Variants in UBXN6 observed in about 807,000 individuals in gnomAD.
The protein encoded by UBXN6 is UBX domain-containing protein 6.
In UBXN6, 44 loss-of-function variants were observed where a neutral mutation model predicts 51.4. The observed-to-expected ratio is 0.86, with a 90% CI of 0.67 to 1.10. The LOEUF is 1.10. Ranked by LOEUF, UBXN6 falls within the 50% of genes least tolerant of loss-of-function variation. The probability of loss-of-function intolerance (pLI) is 0.00; values close to 1 mark genes in which losing one functional copy is unlikely to be tolerated. For missense variants in UBXN6, 672 were observed against 596.1 expected (o/e 1.13, Z -1.32); for synonymous variants, 316 against 263.2 (o/e 1.20, Z -1.94).
intron 1 of UBXN6, among the ~76,000 whole-genome samples, chr19:4,456,180 C>T (rs1265655949): frequency 3.9e-5 from 6 of 152,018 alleles, no homozygotes; most frequent in Non-Finnish European, 7.4e-5. Context: ...CGATACCCTG[C>T]ATCCTTCCTA....
In UBXN6 at chr19:4,447,582, G is replaced by C. The variant is rs771897085; in HGVS notation, c.583C>G (p.Arg195Gly). ...IHLHPEEEKY[R>G]KIKLQNKVFQ... ...ACCTTGTTCTGCAGCTTGATCTTCCGGTACTTCTCCTCCTCGGGGTGCAGG... is the reference window on the plus strand; with the variant it reads ...ACCTTGTTCTGCAGCTTGATCTTCCCGTACTTCTCCTCCTCGGGGTGCAGG... The change falls in exon 6 of 11, where the codon CGG becomes GGG. Residue 195 changes from arginine (R) to glycine (G), a missense_variant. Physicochemically the swap from Arg to Gly is moderately radical, Grantham distance 125. Transcript: ENST00000301281. 3 of 1,613,914 alleles carry C rather than the reference G, an allele frequency of 1.9e-6. No individual in the cohort carries two copies. The highest frequency in any genetic ancestry group is 1.3e-5 in the African/African-American group (1 of 75,050).
At position 4,447,612 on chromosome 19, in the gene UBXN6, T is replaced by C. The variant is rs766669347; in HGVS notation, c.553A>G (p.Ile185Val). The C allele has an allele frequency of 1.2e-6, 2 of 1,613,636 alleles. No homozygotes were observed. The highest frequency in any genetic ancestry group is 4.5e-5 in the East Asian group (2 of 44,842). The change falls in exon 6 of 11, where the codon ATC becomes GTC. Residue 185 changes from isoleucine to valine, a missense_variant. Coordinates refer to ENST00000301281, the MANE Select transcript of UBXN6 (RefSeq NM_025241.3). Reference sequence around the variant, plus strand: ...TTCTCCTCCTCGGGGTGCAGGTGGATGTTGTCCAGGTACCTGGGGTAGGTG... The same window carrying C: ...TTCTCCTCCTCGGGGTGCAGGTGGACGTTGTCCAGGTACCTGGGGTAGGTG... ...VDTIAKYLDNIHLHPEEEKYR... is the reference protein window; with the variant it reads ...VDTIAKYLDNVHLHPEEEKYR...
chr19:4,452,615 C>A (rs765447025), intron 3 of UBXN6, 123 bp from the exon 4 acceptor site: 34 of 1,347,822 alleles, frequency 2.5e-5, no homozygotes, highest in Non-Finnish European at 3.3e-5. Flanking sequence ...GCTGTCCCTT[C>A]CACCTGGTGG....
At chr19:4,452,266 A>C (rs1166505719) in intron 4 of UBXN6, 98 bp downstream of exon 4, 1 of 1,520,108 alleles carries the variant, frequency 6.6e-7, no homozygotes, top group Admixed American at 1.9e-5. Context: ...GCCTCTGGGG[A>C]CTCTGGGAGG....
chr19:4,455,926 C>T (rs143155703), intron 1 of UBXN6, among the ~76,000 whole-genome samples: 69 of 152,212 alleles, frequency 4.5e-4, no homozygotes, highest in African/African-American at 1.6e-3. Flanking sequence ...ATCGCCTGAG[C>T]GCTCATCCAA....
Position 4,446,424 on chromosome 19 carries a change from G to C in UBXN6, c.921-11C>G, listed in dbSNP as rs367564016. The C allele has an allele frequency of 1.4e-5, 22 of 1,577,004 alleles. No individual in the cohort carries two copies. The highest frequency in any genetic ancestry group is 1.9e-5 in the Non-Finnish European group (22 of 1,167,930). The stretch of plus-strand genomic sequence containing the variant: ...TCCACCGCCTCGGACCTGCACACGC[G>C]GGCCAGGTCACGAGGGCTGGCCGGG... On this transcript the variant is annotated splice_polypyrimidine_tract_variant and intron_variant, in intron 8 of 10. Coordinates refer to ENST00000301281, the MANE Select transcript of UBXN6 (RefSeq NM_025241.3).
chr19:4,447,101 G>T, intron 6 of UBXN6, 181 bp from the exon 7 acceptor site: 1 of 628,452 alleles, frequency 1.6e-6, no homozygotes. Flanking sequence ...TGGGGGCTGT[G>T]GAGTCTCCAA....
intron 10 of UBXN6, 66 bp from the exon 11 acceptor site, chr19:4,445,689 C>A: frequency 1.3e-6 from 2 of 1,576,158 alleles, no homozygotes; most frequent in South Asian, 1.1e-5. Context: ...GGGAACTCAG[C>A]GGGCAACCTG....
chr19:4,446,072 G>T lies in UBXN6; in HGVS notation c.1177C>A (p.Leu393Met). 1 of 1,612,594 alleles carries T rather than the reference G, an allele frequency of 6.2e-7. No individual in the cohort carries two copies. The change falls in exon 10 of 11, where the codon CTG becomes ATG. Residue 393 changes from leucine (L) to methionine (M), a missense_variant. Physicochemically the swap from Leu to Met is conservative, Grantham distance 15. Transcript: ENST00000301281. ...ACCAGCCCGCACTCGTTCAAGGCCA[G>T]GTTCTCGTCCTCGGACAGCTTCTGC... The part of the protein sequence containing the change: ...GGQKLSEDEN[L>M]ALNECGLVPS...
In UBXN6 at chr19:4,446,567, G is replaced by A; in HGVS notation, c.853C>T (p.Gln285Ter). 1 of 1,612,550 alleles carries A rather than the reference G, an allele frequency of 6.2e-7. No homozygotes were observed. Residue 285 changes from glutamine (Q) to a stop codon, truncating the protein, a stop_gained, in exon 8 of 11, where the codon CAG (glutamine) becomes TAG (stop). Transcript: ENST00000301281. LOFTEE classifies it high-confidence loss of function. ...RVFQPSPLAS[Q>*]FELPGDFFNL... ...AAGAAGTCCCCAGGCAGTTCGAACT[G>A]CGAGGCCAGGGGCGAGGGCTGGAAG...
rs201394926 is a variant in UBXN6, at chr19:4,446,621, G to A, written c.799C>T (p.Arg267Cys). The A allele has an allele frequency of 5.1e-5, 83 of 1,612,506 alleles. 1 individual carries two copies. The highest frequency in any genetic ancestry group is 3.3e-4 in the East Asian group (15 of 44,870). The change falls in exon 8 of 11, where the codon CGC becomes TGC. Residue 267 changes from arginine to cysteine, a missense_variant. Physicochemically the swap from Arg to Cys is radical, Grantham distance 180 (BLOSUM62 -3). Transcript: ENST00000301281. ...CGGCGCTGCCTGTCCAGCTTGGCGC[G>A]CACGGGCTCCGCAGCCAGCAGCTGT... ...KEQLLAAEPVRAKLDRQRRVF... is the reference protein window; with the variant it reads ...KEQLLAAEPVCAKLDRQRRVF...
chr19:4,453,821 AC>A (rs1599680740), intron 2 of UBXN6, 108 bp downstream of exon 2: 7 of 1,469,934 alleles, frequency 4.8e-6, no homozygotes, highest in Non-Finnish European at 6.4e-6. Context: ...CCCAAGGGTG[AC>A]CCTCACACCC....
At chr19:4,454,133 G>A (rs780367624) in intron 1 of UBXN6, 40 bp from the exon 2 acceptor site, 17 of 1,488,256 alleles carry the variant, frequency 1.1e-5, no homozygotes, top group Non-Finnish European at 1.5e-5. Context: ...ATCCTCCCGA[G>A]GTGGCCGGCA....
chr19:4,453,559 A>C (rs1479635728), intron 2 of UBXN6, 37 bp from the exon 3 acceptor site: 34 of 1,608,286 alleles, frequency 2.1e-5, no homozygotes, highest in Non-Finnish European at 2.8e-5. Context: ...CAGAGACGGG[A>C]TAGTGAGCAC....
At chr19:4,445,799 G>GCCTAAA in intron 10 of UBXN6, 176 bp from the exon 11 acceptor site, 1 of 1,152,674 alleles carries the variant, frequency 8.7e-7, no homozygotes, top group Non-Finnish European at 1.2e-6. Flanking sequence ...CAGGACCTAA[G>GCCTAAA]CCTAAACCTA....
rs1230563945 is a variant in UBXN6, at chr19:4,445,507, C to T, written c.1317G>A (p.Lys439=). 9 of 1,613,940 alleles carry T rather than the reference C, an allele frequency of 5.6e-6. No homozygotes were observed. The highest frequency in any genetic ancestry group is 5.9e-6 in the Non-Finnish European group (7 of 1,179,992). Residue 439 remains lysine, a synonymous_variant, in exon 11 of 11, where the codon AAG becomes AAA. Coordinates refer to ENST00000301281, the MANE Select transcript of UBXN6 (RefSeq NM_025241.3). The part of the protein sequence containing the change: ...LKPELLSAIE[K]LL ...CAACCCTGCTTTTATTTCACAAGAG[C>T]TTCTCGATGGCTGACAGGAGCTCGG... is the stretch of plus-strand genomic sequence containing the variant.
At position 4,445,306 on chromosome 19, in the gene UBXN6, C is replaced by T. The variant is rs1599670810; in HGVS notation, c.*192G>A. 1.1e-6 allele frequency: 1 copy of T among 935,234 alleles called. No homozygotes were observed. Among genetic ancestry groups the T allele is most frequent in the Non-Finnish European group, 1.6e-6 (1 of 627,808 alleles). 57.9% of individuals were successfully genotyped at this position (935,234 alleles called of 1,614,324 possible). A position where few individuals can be genotyped will look rare whatever the true frequency, so the allele number is the denominator to read the frequency against. ...TCTCCCTCGGGGGCTTGGGCGCATC[C>T]CCACAGCCCCCAAGGGATGGGGGCT... is the stretch of plus-strand genomic sequence containing the variant. On this transcript the variant is annotated 3_prime_UTR_variant, in exon 11 of 11. Coordinates refer to ENST00000301281, the MANE Select transcript of UBXN6 (RefSeq NM_025241.3).
rs1410891292 is a variant in UBXN6, at chr19:4,457,729, G to A, written c.-32C>T. On this transcript the variant is annotated 5_prime_UTR_variant, in exon 1 of 11. Coordinates refer to ENST00000301281, the MANE Select transcript of UBXN6 (RefSeq NM_025241.3). ...GGCTGGCCCGGCGGCGGGGGGCCGCGGGGGCGGGGGGGCACGGGGCCCAGT... is the reference window on the plus strand; with the variant it reads ...GGCTGGCCCGGCGGCGGGGGGCCGCAGGGGCGGGGGGGCACGGGGCCCAGT... 1 of 1,455,252 alleles carries A rather than the reference G, an allele frequency of 6.9e-7. No homozygotes were observed. The highest frequency in any genetic ancestry group is 9.2e-7 in the Non-Finnish European group (1 of 1,091,788). The allele number at this position is 1,455,252 out of a possible 1,614,324, so 90.1% of individuals were successfully genotyped here.
chr19:4,445,350 C>T lies in UBXN6; in HGVS notation c.*148G>A. 7.2e-7 allele frequency: 1 copy of T among 1,380,340 alleles called. No homozygotes were observed. Among genetic ancestry groups the T allele is most frequent in the South Asian group, 1.4e-5 (1 of 73,336 alleles). The allele number at this position is 1,380,340 out of a possible 1,614,324, so 85.5% of individuals were successfully genotyped here. ...GGGGGCTCTGCCACGGGGCCCAATT[C>T]CACAGCTCCACGGCTGGCGCCCCTC... On this transcript the variant is annotated 3_prime_UTR_variant, in exon 11 of 11. Coordinates refer to ENST00000301281, the MANE Select transcript of UBXN6 (RefSeq NM_025241.3).
Sources: gnomAD v4.1 joint callset for allele counts (sites outside exome capture counted in the v4.1 genomes callset) on GRCh38, gnomAD v4.1.1 for gene constraint, MANE v1.5 for transcripts, NCBI Gene and HGNC (gene_info 2026-07-23, HGNC 2026-07-21) for gene names.